Variants in ABCD2 observed in about 807,000 individuals in gnomAD.
The protein encoded by ABCD2 is ATP-binding cassette sub-family D member 2.
In ABCD2, 36 loss-of-function variants were observed where a neutral mutation model predicts 70.9. The ratio of observed to expected loss-of-function variants is 0.51; its 90% confidence interval spans 0.39 to 0.67. ABCD2 has a LOEUF of 0.67. ABCD2 is among the 30% of genes least tolerant of loss of function. The pLI is 0.00. For synonymous variants in ABCD2, 304 were observed against 306.9 expected, an observed-to-expected ratio of 0.99 and a Z score of 0.10; for missense variants, 729 against 890.2, an observed-to-expected ratio of 0.82 and a Z score of 2.30.
intron 2 of ABCD2, among the ~76,000 whole-genome samples, chr12:39,608,464 A>T (rs536057299): frequency 3.3e-4 from 51 of 152,244 alleles, no homozygotes; most frequent in African/African-American, 1.2e-3. Flanking sequence ...AGGCAGGCAG[A>T]TCACTTGAGA....
the ABCD2 span, among the ~76,000 whole-genome samples, chr12:39,533,450 G>A: frequency 1.3e-5 from 2 of 152,116 alleles, no homozygotes; most frequent in African/African-American, 2.4e-5. Context: ...AACAATTGAT[G>A]AGCCCTGAAA....
At chr12:39,545,076 A>G (rs920396613), downstream of ABCD2, among the ~76,000 whole-genome samples, 12 of 152,296 alleles carry the variant, frequency 7.9e-5, no homozygotes, top group Non-Finnish European at 1.5e-4. Context: ...TTTTCTTTTG[A>G]AGCATAATTT....
intron 9 of ABCD2, among the ~76,000 whole-genome samples, chr12:39,563,918 G>T (rs1275715761): frequency 6.6e-6 from 1 of 152,076 alleles, no homozygotes; most frequent in Non-Finnish European, 1.5e-5. Flanking sequence ...GAGAATGATG[G>T]TTTCCAGCTT....
chr12:39,560,363 G>C (rs1344511962), intron 9 of ABCD2, among the ~76,000 whole-genome samples: 1 of 152,114 alleles, frequency 6.6e-6, no homozygotes, highest in Non-Finnish European at 1.5e-5. Flanking sequence ...TGGCTGCATA[G>C]TATTCCATGG....
the ABCD2 span, among the ~76,000 whole-genome samples, chr12:39,537,110 T>C: frequency 6.6e-6 from 1 of 152,030 alleles, no homozygotes; most frequent in Non-Finnish European, 1.5e-5. Context: ...GCCCTCTGAC[T>C]CTTAGGAGAT....
chr12:39,610,066 A>G, intron 2 of ABCD2, among the ~76,000 whole-genome samples: 1 of 152,178 alleles, frequency 6.6e-6, no homozygotes, highest in East Asian at 1.9e-4. Flanking sequence ...GGAGGAGTAG[A>G]TTTTGAGAGA....
intron 2 of ABCD2, among the ~76,000 whole-genome samples, chr12:39,612,645 T>C (rs954123989): frequency 4.6e-5 from 7 of 152,316 alleles, no homozygotes; most frequent in African/African-American, 1.7e-4. Context: ...TATGCATACC[T>C]AATTAGAGTT....
At chr12:39,534,782 GAA>G in the ABCD2 span, among the ~76,000 whole-genome samples, 1 of 136,044 alleles carries the variant, frequency 7.4e-6, no homozygotes, top group African/African-American at 2.7e-5. Context: ...AAGAAAGAAA[GAA>G]AGAAAGAAAG....
chr12:39,586,638 C>A (rs1409561953), intron 6 of ABCD2, among the ~76,000 whole-genome samples: 1 of 152,090 alleles, frequency 6.6e-6, no homozygotes, highest in East Asian at 1.9e-4. Flanking sequence ...CAAGTGATTC[C>A]TCCTAACTTG....
rs769164467 is a variant in ABCD2, at chr12:39,618,671, T to A, written c.939+6A>T. On this transcript the variant is annotated splice_donor_region_variant and intron_variant, in intron 1 of 9. Transcript: ENST00000308666. ...ATTTCACCCATCACCTTAATTTCTA[T>A]CTTACCTTATGTCCTCTGTAAAAGG... 14 of 1,606,976 alleles carry A rather than the reference T, an allele frequency of 8.7e-6. No homozygotes were observed. The Admixed American group carries it at 2.4e-4, about 27-fold the overall frequency.
the ABCD2 span, among the ~76,000 whole-genome samples, chr12:39,536,725 G>A: frequency 6.6e-6 from 1 of 152,068 alleles, no homozygotes; most frequent in Non-Finnish European, 1.5e-5. Flanking sequence ...AGGAGAAAAC[G>A]TTCACTTTCC....
At chr12:39,589,390 T>G (rs1246283437) in intron 6 of ABCD2, among the ~76,000 whole-genome samples, 13 of 148,530 alleles carry the variant, frequency 8.8e-5, no homozygotes, top group African/African-American at 3.2e-4. Flanking sequence ...CTGGGTTTTT[T>G]TTTTTTTTTT....
At chr12:39,534,844 GAAAT>G in the ABCD2 span, among the ~76,000 whole-genome samples, 3 of 142,094 alleles carry the variant, frequency 2.1e-5, no homozygotes, top group South Asian at 4.5e-4. Flanking sequence ...AAGAAAGAAA[GAAAT>G]AAAGAAAGAG....
At chr12:39,592,106 A>C (rs1941754526) in intron 6 of ABCD2, among the ~76,000 whole-genome samples, 1 of 152,220 alleles carries the variant, frequency 6.6e-6, no homozygotes, top group Non-Finnish European at 1.5e-5. Context: ...GAGGAACTAA[A>C]ATGTACAACT....
intron 8 of ABCD2, among the ~76,000 whole-genome samples, chr12:39,575,912 T>C (rs1941509950): frequency 6.6e-6 from 1 of 152,248 alleles, no homozygotes; most frequent in African/African-American, 2.4e-5. Context: ...AGTATTTATT[T>C]CAGGTTACAG....
chr12:39,588,809 A>C (rs1410707078), intron 6 of ABCD2, among the ~76,000 whole-genome samples: 2 of 152,206 alleles, frequency 1.3e-5, no homozygotes, highest in African/African-American at 4.8e-5. Flanking sequence ...AATGTCATAT[A>C]AAATAAAGAA....
intron 6 of ABCD2, among the ~76,000 whole-genome samples, chr12:39,600,206 TG>T (rs1941877539): frequency 6.6e-6 from 1 of 152,172 alleles, no homozygotes; most frequent in Non-Finnish European, 1.5e-5. Flanking sequence ...TGCAGCTTGA[TG>T]GAGAGAGCTG....
chr12:39,563,955 A>G (rs1941301067), intron 9 of ABCD2, among the ~76,000 whole-genome samples: 1 of 152,130 alleles, frequency 6.6e-6, no homozygotes, highest in African/African-American at 2.4e-5. Context: ...AAAGACATGT[A>G]CTCATCATTT....
Position 39,552,952 on chromosome 12 carries a change from G to C in ABCD2, c.*960C>G, listed in dbSNP as rs894475128. On this transcript the variant is annotated 3_prime_UTR_variant, in exon 10 of 10. Coordinates refer to ENST00000308666, the MANE Select transcript of ABCD2 (RefSeq NM_005164.4). ...TCTCAAAAGCAAAGTAGGAAAAATA[G>C]TATTTGTTTCAAAACATTGTCATCA... 6.6e-6 allele frequency: 1 copy of C among 151,926 alleles called. No individual in the cohort carries two copies. The highest frequency in any genetic ancestry group is 1.5e-5 in the Non-Finnish European group (1 of 67,856). 9.4% of individuals were successfully genotyped at this position (151,926 alleles called of 1,614,324 possible).
Sources: gnomAD v4.1 joint callset for allele counts (sites outside exome capture counted in the v4.1 genomes callset) on GRCh38, gnomAD v4.1.1 for gene constraint, MANE v1.5 for transcripts, NCBI Gene and HGNC (gene_info 2026-07-23, HGNC 2026-07-21) for gene names.